TMEM161B: variants seen among roughly 807,000 people sequenced by gnomAD.
TMEM161B encodes transmembrane protein 161B.
Under a neutral mutation model 61.8 loss-of-function variants are expected in TMEM161B, and 34 were observed. The observed-to-expected ratio is 0.55, with a 90% CI of 0.42 to 0.73. The LOEUF (loss-of-function observed/expected upper bound fraction) is 0.73. Ranked by LOEUF, TMEM161B falls within the 30% of genes least tolerant of loss-of-function variation. The pLI is 0.00. For missense variants in TMEM161B, 456 were observed against 558.5 expected (o/e 0.82, Z 1.85); for synonymous variants, 167 against 192.8 (o/e 0.87, Z 1.11).
chr5:88,195,616 C>A lies in TMEM161B; in HGVS notation c.*595G>T, dbSNP rs1205312732. On this transcript the variant is annotated 3_prime_UTR_variant, in exon 12 of 12. Coordinates refer to ENST00000296595, the MANE Select transcript of TMEM161B (RefSeq NM_153354.5). Reference sequence around the variant, plus strand: ...AAACAATACTCTTGCTATTCTCAAGCAGCAGTAGTTATATATTTTAACCAT... The same window carrying A: ...AAACAATACTCTTGCTATTCTCAAGAAGCAGTAGTTATATATTTTAACCAT... 1 of 984,804 alleles carries A rather than the reference C, an allele frequency of 1.0e-6. No homozygotes were observed. The highest frequency in any genetic ancestry group is 1.7e-5 in the African/African-American group (1 of 57,168). 61.0% of individuals were successfully genotyped at this position (984,804 alleles called of 1,614,324 possible). A position where few individuals can be genotyped will look rare whatever the true frequency, so the allele number is the denominator to read the frequency against.
chr5:88,233,553 A>G lies in TMEM161B; in HGVS notation c.108-5025T>C, dbSNP rs77552924. Reference sequence around the variant, plus strand: ...AGTATGGACTTCAGATTTTATGCTAAATAATGGTCTCAAAGCAATGTAGAT... The same window carrying G: ...AGTATGGACTTCAGATTTTATGCTAGATAATGGTCTCAAAGCAATGTAGAT... On this transcript the variant is annotated intron_variant, in intron 2 of 11. Transcript: ENST00000296595. Among the ~76,000 whole-genome samples the G allele has an allele frequency of 9.1e-4, 138 of 152,312 alleles. 3 individuals are homozygous for G. In the East Asian group the frequency reaches 0.025, roughly 28 times the overall value.
intron 5 of TMEM161B, among the ~76,000 whole-genome samples, chr5:88,211,578 G>A (rs905700809): frequency 6.6e-6 from 1 of 151,916 alleles, no homozygotes; most frequent in African/African-American, 2.4e-5. Context: ...TGGCCAACAT[G>A]GCGAAATCCC....
intron 1 of TMEM161B, among the ~76,000 whole-genome samples, chr5:88,260,180 T>G (rs1447998182): frequency 1.3e-5 from 2 of 152,188 alleles, no homozygotes; most frequent in Admixed American, 6.5e-5. Flanking sequence ...AAAATTCAAT[T>G]TCTTACCCAA....
intron 1 of TMEM161B, among the ~76,000 whole-genome samples, chr5:88,266,961 T>C (rs1028873125): frequency 3.3e-5 from 5 of 152,240 alleles, no homozygotes; most frequent in African/African-American, 1.2e-4. Context: ...ACCATCTCTT[T>C]TGAACCGACA....
intron 7 of TMEM161B, 168 bp downstream of exon 7, chr5:88,206,271 G>A (rs1164280840): frequency 2.4e-5 from 15 of 617,480 alleles, no homozygotes; most frequent in Non-Finnish European, 4.1e-5. Flanking sequence ...TTCTATAAAA[G>A]ACACTAACTT....
At chr5:88,210,470 C>A (rs1275263953) in intron 5 of TMEM161B, among the ~76,000 whole-genome samples, 1 of 152,142 alleles carries the variant, frequency 6.6e-6, no homozygotes, top group Non-Finnish European at 1.5e-5. Flanking sequence ...ACTAGACTCA[C>A]AACTCTCCAC....
intron 4 of TMEM161B, among the ~76,000 whole-genome samples, chr5:88,222,555 T>C (rs757046375): frequency 3.3e-5 from 5 of 152,148 alleles, no homozygotes; most frequent in South Asian, 2.1e-4. Context: ...CCAAAATCCA[T>C]TTACGGTTTT....
At position 88,221,328 on chromosome 5, in the gene TMEM161B, G is replaced by A. The variant is rs917556577; in HGVS notation, c.290-609C>T. On this transcript the variant is annotated intron_variant, in intron 4 of 11. Coordinates refer to ENST00000296595, the MANE Select transcript of TMEM161B (RefSeq NM_153354.5). Reference sequence around the variant, plus strand: ...GAGGTCAGGAGTTCAAGACTATCCCGCTTCTACTAAAAGTACAAAAATTAG... The same window carrying A: ...GAGGTCAGGAGTTCAAGACTATCCCACTTCTACTAAAAGTACAAAAATTAG... The A allele has an allele frequency of 4.5e-5, 8 of 178,692 alleles. No individual in the cohort carries two copies. In the East Asian group the frequency reaches 8.6e-4, roughly 19 times the overall value. The allele number at this position is 178,692 out of a possible 1,614,324, so 11.1% of individuals were successfully genotyped here.
chr5:88,228,218 A>G (rs749112433), intron 3 of TMEM161B, among the ~76,000 whole-genome samples: 3 of 152,122 alleles, frequency 2.0e-5, no homozygotes, highest in Non-Finnish European at 4.4e-5. Context: ...CTTTAGTATG[A>G]TGGCTATATT....
At chr5:88,254,615 T>C (rs185866533) in intron 1 of TMEM161B, among the ~76,000 whole-genome samples, 9 of 152,096 alleles carry the variant, frequency 5.9e-5, no homozygotes, top group Admixed American at 5.9e-4. Flanking sequence ...GGCAGGAGGA[T>C]TACTTGAGGC....
At chr5:88,217,265 A>AT (rs955021736) in intron 5 of TMEM161B, among the ~76,000 whole-genome samples, 2 of 152,118 alleles carry the variant, frequency 1.3e-5, no homozygotes, top group African/African-American at 4.8e-5. Flanking sequence ...TCTAAAAAAA[A>AT]TTTTTTTAAA....
At chr5:88,206,809 GAC>G (rs1444335696) in intron 6 of TMEM161B, among the ~76,000 whole-genome samples, 3 of 151,792 alleles carry the variant, frequency 2.0e-5, no homozygotes, top group African/African-American at 7.3e-5. Flanking sequence ...AAAAAAACGA[GAC>G]AGTATTTTTG....
chr5:88,195,797 G>T lies in TMEM161B; in HGVS notation c.*414C>A, dbSNP rs915457937. On this transcript the variant is annotated 3_prime_UTR_variant, in exon 12 of 12. Coordinates refer to ENST00000296595, the MANE Select transcript of TMEM161B (RefSeq NM_153354.5). The stretch of plus-strand genomic sequence containing the variant: ...GCCCCTTTCCCTCCCCTAAAGCATG[G>T]CTCAGTTTGAAGATTGTTCTATAGG... 1 of 989,956 alleles carries T rather than the reference G, an allele frequency of 1.0e-6. No homozygotes were observed. The highest frequency in any genetic ancestry group is 1.7e-5 in the African/African-American group (1 of 57,198). 61.3% of individuals were successfully genotyped at this position (989,956 alleles called of 1,614,324 possible). A position where few individuals can be genotyped will look rare whatever the true frequency, so the allele number is the denominator to read the frequency against.
At chr5:88,192,321 C>T (rs1321731248), downstream of TMEM161B, among the ~76,000 whole-genome samples, 2 of 151,832 alleles carry the variant, frequency 1.3e-5, no homozygotes, top group Non-Finnish European at 2.9e-5. Context: ...ATGAATAGTT[C>T]ATAGCTAAAA....
chr5:88,206,477 A>G lies in TMEM161B; in HGVS notation c.621T>C (p.Ser207=), dbSNP rs756334800. ...LETGFTNFSD[S]AMQFLEKQGL... ...CTTGCTTTTCAAGAAACTGCATCGCACTGTCTGAAAAATTTGTAAACCCTG... is the reference window on the plus strand; with the variant it reads ...CTTGCTTTTCAAGAAACTGCATCGCGCTGTCTGAAAAATTTGTAAACCCTG... Residue 207 remains serine (S), a synonymous_variant, in exon 7 of 12, where the codon AGT becomes AGC. Coordinates refer to ENST00000296595, the MANE Select transcript of TMEM161B (RefSeq NM_153354.5). 11 of 1,598,102 alleles carry G rather than the reference A, an allele frequency of 6.9e-6. No individual in the cohort carries two copies. Among genetic ancestry groups the G allele is most frequent in the Non-Finnish European group, 9.4e-6 (11 of 1,172,842 alleles).
intron 1 of TMEM161B, among the ~76,000 whole-genome samples, chr5:88,264,493 A>C (rs1351374194): frequency 6.6e-6 from 1 of 152,224 alleles, no homozygotes; most frequent in Non-Finnish European, 1.5e-5. Context: ...TGGGAGGGTA[A>C]ATTAGTTCAA....
intron 11 of TMEM161B, among the ~76,000 whole-genome samples, chr5:88,197,205 G>C (rs1749802997): frequency 6.6e-6 from 1 of 152,168 alleles, no homozygotes; most frequent in Non-Finnish European, 1.5e-5. Flanking sequence ...GGACTTGATA[G>C]CTTAGTGAAG....
At chr5:88,247,275 T>A (rs1355881734) in intron 1 of TMEM161B, among the ~76,000 whole-genome samples, 1 of 151,968 alleles carries the variant, frequency 6.6e-6, no homozygotes, top group Non-Finnish European at 1.5e-5. Context: ...ATACTGAAAA[T>A]AAAACTCTAA....
chr5:88,210,872 T>C (rs1478888736), intron 5 of TMEM161B, among the ~76,000 whole-genome samples: 3 of 152,146 alleles, frequency 2.0e-5, no homozygotes, highest in African/African-American at 7.2e-5. Context: ...CTCTTAAAAA[T>C]GAAAGGAATC....
Sources: gnomAD v4.1 joint callset for allele counts (sites outside exome capture counted in the v4.1 genomes callset) on GRCh38, gnomAD v4.1.1 for gene constraint, MANE v1.5 for transcripts, NCBI Gene and HGNC (gene_info 2026-07-23, HGNC 2026-07-21) for gene names.